CHRM3: variants seen among roughly 807,000 people sequenced by gnomAD.
CHRM3 encodes muscarinic acetylcholine receptor M3.
In CHRM3, 11 loss-of-function variants were observed where a neutral mutation model predicts 41.8. That is an observed-to-expected ratio of 0.26 (90% CI 0.17 to 0.44). The LOEUF is 0.44. CHRM3 is among the 20% of genes least tolerant of loss of function. The probability of loss-of-function intolerance (pLI) is 1.00; values close to 1 mark genes in which losing one functional copy is unlikely to be tolerated. For missense variants in CHRM3, 571 were observed against 745.4 expected (o/e 0.77, Z 2.72); for synonymous variants, 297 against 301.4 (o/e 0.99, Z 0.15).
intron 6 of CHRM3, among the ~76,000 whole-genome samples, chr1:239,851,917 G>A (rs1385068644): frequency 6.6e-6 from 1 of 152,104 alleles, no homozygotes; most frequent in African/African-American, 2.4e-5. Flanking sequence ...TCGCCCAGGA[G>A]CTTATTAGAG....
intron 1 of CHRM3, among the ~76,000 whole-genome samples, chr1:239,393,994 A>G (rs939969749): frequency 6.6e-6 from 1 of 152,138 alleles, no homozygotes; most frequent in African/African-American, 2.4e-5. Flanking sequence ...ATATACATCC[A>G]TTATCACATC....
At chr1:239,845,362 G>A (rs560553501) in intron 6 of CHRM3, among the ~76,000 whole-genome samples, 1 of 151,954 alleles carries the variant, frequency 6.6e-6, no homozygotes, top group Non-Finnish European at 1.5e-5. Flanking sequence ...TTTGGGTTTG[G>A]GTTTGGGTTT....
intron 5 of CHRM3, among the ~76,000 whole-genome samples, chr1:239,699,101 T>G (rs144408883): frequency 1.3e-5 from 2 of 152,258 alleles, no homozygotes; most frequent in East Asian, 3.9e-4. Context: ...TTTTCTAAGT[T>G]TTTCTCACCA....
At chr1:239,508,985 T>A (rs1447589447) in intron 2 of CHRM3, among the ~76,000 whole-genome samples, 1 of 152,180 alleles carries the variant, frequency 6.6e-6, no homozygotes, top group East Asian at 1.9e-4. Context: ...TCCAAATAAA[T>A]ATACTGGATA....
Position 239,618,276 on chromosome 1 carries a change from TC to T in CHRM3, c.-312-13947del, listed in dbSNP as rs376142562. The stretch of plus-strand genomic sequence containing the variant: ...AGAGTAGGAGTACTTTTTTTTTCTT[TC>T]TTTTTTTTTTTTTTTTTTAATGACA... On this transcript the variant is annotated intron_variant, in intron 3 of 6. Coordinates refer to ENST00000676153, the MANE Select transcript of CHRM3 (RefSeq NM_001375978.1). Among the ~76,000 whole-genome samples the T allele has an allele frequency of 5.3e-4, 72 of 136,122 alleles. 4 individuals carry two copies. Among genetic ancestry groups the T allele is most frequent in the Middle Eastern group, 3.6e-3 (1 of 276 alleles). The allele number at this position is 136,122 out of a possible 152,430, so 89.3% of individuals were successfully genotyped here. A position where few individuals can be genotyped will look rare whatever the true frequency, so the allele number is the denominator to read the frequency against.
intron 6 of CHRM3, among the ~76,000 whole-genome samples, chr1:239,884,421 G>A (rs932782672): frequency 3.3e-5 from 5 of 152,186 alleles, no homozygotes; most frequent in African/African-American, 1.2e-4. Context: ...TGGAGGGAGT[G>A]TGGCCCTGGA....
intron 4 of CHRM3, among the ~76,000 whole-genome samples, chr1:239,644,211 G>C (rs905639471): frequency 6.6e-6 from 1 of 152,148 alleles, no homozygotes; most frequent in Non-Finnish European, 1.5e-5. Flanking sequence ...CACTAAAAGA[G>C]CATATCAGCT....
chr1:239,576,933 A>G (rs1263467760), intron 3 of CHRM3, among the ~76,000 whole-genome samples: 1 of 152,232 alleles, frequency 6.6e-6, no homozygotes, highest in Non-Finnish European at 1.5e-5. Context: ...GGTTAAACAC[A>G]TAACAATTTC....
At chr1:239,598,458 C>T (rs1013655822) in intron 3 of CHRM3, among the ~76,000 whole-genome samples, 1 of 152,058 alleles carries the variant, frequency 6.6e-6, no homozygotes, top group Non-Finnish European at 1.5e-5. Flanking sequence ...GCAACTTGGT[C>T]TTAATATAAA....
At chr1:239,470,421 G>T (rs575425125) in intron 1 of CHRM3, among the ~76,000 whole-genome samples, 2 of 152,068 alleles carry the variant, frequency 1.3e-5, no homozygotes, top group South Asian at 4.1e-4. Context: ...TTGCTATGGC[G>T]GCCCTAGTAG....
chr1:239,409,468 G>A (rs1358892124), intron 1 of CHRM3, among the ~76,000 whole-genome samples: 1 of 152,146 alleles, frequency 6.6e-6, no homozygotes, highest in Non-Finnish European at 1.5e-5. Context: ...TGGACAGGGC[G>A]CGGGATCTCA....
intron 5 of CHRM3, among the ~76,000 whole-genome samples, chr1:239,742,703 A>G (rs777178475): frequency 6.6e-6 from 1 of 152,170 alleles, no homozygotes; most frequent in Non-Finnish European, 1.5e-5. Context: ...CAACCATCCT[A>G]AGTTCTGTGG....
At chr1:239,566,809 T>C (rs567849650) in intron 3 of CHRM3, among the ~76,000 whole-genome samples, 1 of 152,324 alleles carries the variant, frequency 6.6e-6, no homozygotes, top group Admixed American at 6.5e-5. Flanking sequence ...CAAAGTTGGC[T>C]TTCTCCTGGT....
chr1:239,880,174 T>C (rs1572575561), intron 6 of CHRM3, among the ~76,000 whole-genome samples: 1 of 152,332 alleles, frequency 6.6e-6, no homozygotes, highest in East Asian at 1.9e-4. Flanking sequence ...GTGTGGGAAC[T>C]GGTGATCTGA....
intron 3 of CHRM3, among the ~76,000 whole-genome samples, chr1:239,555,476 G>C (rs544445567): frequency 6.6e-6 from 1 of 152,112 alleles, no homozygotes; most frequent in Non-Finnish European, 1.5e-5. Context: ...TCAGACACCA[G>C]AACAATGAGG....
At chr1:239,505,334 C>A (rs1255018884) in intron 2 of CHRM3, among the ~76,000 whole-genome samples, 1 of 151,900 alleles carries the variant, frequency 6.6e-6, no homozygotes, top group Non-Finnish European at 1.5e-5. Context: ...TGTCCCCACC[C>A]AAATCTCATC....
chr1:239,646,617 A>T (rs1558416352), intron 4 of CHRM3, among the ~76,000 whole-genome samples: 1 of 152,170 alleles, frequency 6.6e-6, no homozygotes, highest in Non-Finnish European at 1.5e-5. Context: ...GGCAGGATTT[A>T]TATAGGCAGA....
rs1680567024 is a variant in CHRM3, at chr1:239,914,959, G to C, written c.*5735G>C. 6.0e-6 allele frequency: 1 copy of C among 167,044 alleles called. No homozygotes were observed. The highest frequency in any genetic ancestry group is 2.1e-4 in the South Asian group (1 of 4,828). 10.3% of individuals were successfully genotyped at this position (167,044 alleles called of 1,614,324 possible). On this transcript the variant is annotated 3_prime_UTR_variant, in exon 7 of 7. Transcript: ENST00000676153. ...GGCGTCTGCTTAGAGCTATGTGATGGCCACAGTTTGGGCAAAGCCCTTCTT... is the reference window on the plus strand; with the variant it reads ...GGCGTCTGCTTAGAGCTATGTGATGCCCACAGTTTGGGCAAAGCCCTTCTT...
At chr1:239,631,760 C>A (rs1669858575) in intron 3 of CHRM3, among the ~76,000 whole-genome samples, 1 of 152,102 alleles carries the variant, frequency 6.6e-6, no homozygotes, top group African/African-American at 2.4e-5. Context: ...ATTGTAAGAT[C>A]ACTGTATGTG....
Sources: gnomAD v4.1 joint callset for allele counts (sites outside exome capture counted in the v4.1 genomes callset) on GRCh38, gnomAD v4.1.1 for gene constraint, MANE v1.5 for transcripts, NCBI Gene and HGNC (gene_info 2026-07-23, HGNC 2026-07-21) for gene names.